A1CF: variants seen among roughly 807,000 people sequenced by gnomAD.
The protein encoded by A1CF is APOBEC1 complementation factor.
In A1CF, 48 loss-of-function variants were observed where a neutral mutation model predicts 68.9. The observed-to-expected ratio is 0.70, with a 90% CI of 0.55 to 0.89. The LOEUF is 0.89. Ranked by LOEUF, A1CF falls within the 40% of genes least tolerant of loss-of-function variation. The pLI, the probability that A1CF is intolerant of heterozygous loss-of-function variation, is 0.00. For synonymous variants in A1CF, 272 were observed against 260.4 expected (o/e 1.04, Z -0.43); for missense variants, 653 against 718.9 (o/e 0.91, Z 1.05).
chr10:50,816,214 C>A lies in A1CF; in HGVS notation c.933G>T (p.Arg311Ser). ...CCCTTCCACCTGTGCCTCGGGTATACCTAACATAACTGTCCTTGTCCACTG... is the reference window on the plus strand; with the variant it reads ...CCCTTCCACCTGTGCCTCGGGTATAACTAACATAACTGTCCTTGTCCACTG... ...AKPVDKDSYV[R>S]YTRGTGGRGT... is the part of the protein sequence containing the mutation. Residue 311 changes from arginine to serine, a missense_variant, in exon 9 of 13, where the codon AGG becomes AGT. Physicochemically the swap from Arg to Ser is moderately radical, Grantham distance 110 (BLOSUM62 -1). Transcript: ENST00000373997. 6.2e-7 allele frequency: 1 copy of A among 1,613,740 alleles called. No homozygotes were observed. The highest frequency in any genetic ancestry group is 2.2e-5 in the East Asian group (1 of 44,838).
intron 5 of A1CF, among the ~76,000 whole-genome samples, chr10:50,838,737 A>G (rs1210871126): frequency 6.6e-6 from 1 of 152,206 alleles, no homozygotes; most frequent in African/African-American, 2.4e-5. Flanking sequence ...CTCTGCAACA[A>G]AAGTTCTTTC....
At chr10:50,814,632 C>A (rs1308657031) in intron 9 of A1CF, among the ~76,000 whole-genome samples, 1 of 152,102 alleles carries the variant, frequency 6.6e-6, no homozygotes, top group Non-Finnish European at 1.5e-5. Context: ...GCATAGATTC[C>A]TTTTGATTTT....
intron 3 of A1CF, among the ~76,000 whole-genome samples, chr10:50,848,329 T>C (rs1185773948): frequency 6.6e-6 from 1 of 152,196 alleles, no homozygotes; most frequent in African/African-American, 2.4e-5. Flanking sequence ...TTTAATTTAT[T>C]GTAGAAAAGA....
chr10:50,826,324 T>A (rs1838933675), intron 7 of A1CF, among the ~76,000 whole-genome samples: 1 of 152,112 alleles, frequency 6.6e-6, no homozygotes, highest in South Asian at 2.1e-4. Flanking sequence ...AGGAACATAG[T>A]TTGAGAGGTC....
intron 3 of A1CF, among the ~76,000 whole-genome samples, chr10:50,853,187 T>C (rs531376382): frequency 6.6e-6 from 1 of 152,230 alleles, no homozygotes; most frequent in East Asian, 1.9e-4. Flanking sequence ...AAGGGAAAGA[T>C]GAAATCCACC....
At chr10:50,870,221 CTGTT>C (rs1405989524) in intron 1 of A1CF, among the ~76,000 whole-genome samples, 9 of 151,806 alleles carry the variant, frequency 5.9e-5, no homozygotes, top group Non-Finnish European at 1.5e-5. Flanking sequence ...AAACGATAGT[CTGTT>C]TATTATTAAT....
At chr10:50,869,400 T>G (rs1019121028) in intron 1 of A1CF, among the ~76,000 whole-genome samples, 2 of 152,174 alleles carry the variant, frequency 1.3e-5, no homozygotes, top group African/African-American at 4.8e-5. Flanking sequence ...TCATTGGTTA[T>G]TCTCCTCCTG....
chr10:50,817,016 A>G (rs770597526), intron 8 of A1CF, among the ~76,000 whole-genome samples: 16 of 152,340 alleles, frequency 1.1e-4, no homozygotes, highest in Admixed American at 5.2e-4. Flanking sequence ...TTCTCAGATC[A>G]TGCACTGCTT....
At chr10:50,828,515 T>G in intron 6 of A1CF, 1 of 362,618 alleles carries the variant, frequency 2.8e-6, no homozygotes, top group Non-Finnish European at 5.0e-6. Context: ...AACTATCGAT[T>G]ATAAAGGGAA....
chr10:50,844,170 T>C, intron 3 of A1CF, 48 bp from the exon 4 acceptor site: 1 of 1,583,764 alleles, frequency 6.3e-7, no homozygotes. Context: ...TGATCAAGAC[T>C]TTAATTCAAT....
At chr10:50,859,770 C>T (rs1266427663) in intron 3 of A1CF, 72 bp downstream of exon 3, 3 of 1,371,990 alleles carry the variant, frequency 2.2e-6, no homozygotes, top group Non-Finnish European at 3.1e-6. Context: ...CATTTTGCAT[C>T]TTAGGACCTC....
At chr10:50,874,773 G>T (rs980304183) in intron 1 of A1CF, among the ~76,000 whole-genome samples, 1 of 151,942 alleles carries the variant, frequency 6.6e-6, no homozygotes, top group East Asian at 1.9e-4. Flanking sequence ...ACTCCCAATC[G>T]GCATTAAAAG....
intron 6 of A1CF, 128 bp downstream of exon 6, chr10:50,835,943 TGAA>T: frequency 2.4e-6 from 2 of 836,764 alleles, no homozygotes; most frequent in Non-Finnish European, 3.7e-6. Flanking sequence ...TGTGAGACAG[TGAA>T]GAAGGATAAA....
At chr10:50,875,197 C>T (rs190934790) in intron 1 of A1CF, among the ~76,000 whole-genome samples, 121 of 152,248 alleles carry the variant, frequency 7.9e-4, no homozygotes, top group African/African-American at 2.7e-3. Context: ...AAAATTTTCT[C>T]TAATAATTGT....
chr10:50,826,537 C>T (rs1391336010), intron 7 of A1CF, among the ~76,000 whole-genome samples: 1 of 152,082 alleles, frequency 6.6e-6, no homozygotes, highest in Non-Finnish European at 1.5e-5. Flanking sequence ...AACTAAGCTT[C>T]ATAAGCAAAG....
intron 6 of A1CF, among the ~76,000 whole-genome samples, chr10:50,832,261 G>A (rs940901179): frequency 5.9e-5 from 9 of 152,174 alleles, no homozygotes; most frequent in African/African-American, 2.2e-4. Context: ...CAGTGGGAGT[G>A]TTAATACCAT....
chr10:50,837,819 C>T (rs1002802190), intron 5 of A1CF, among the ~76,000 whole-genome samples: 20 of 151,844 alleles, frequency 1.3e-4, no homozygotes, highest in Admixed American at 7.9e-4. Context: ...AAAAGAGTAA[C>T]GTAGAAGAAT....
In A1CF at chr10:50,802,387, G is replaced by A. The variant is rs1469767478; in HGVS notation, c.*4342C>T. On this transcript the variant is annotated 3_prime_UTR_variant, in exon 13 of 13. Transcript: ENST00000373997. Reference sequence around the variant, plus strand: ...CTAGTTTCTTCCTGTCTTCCAATAAGTATATACAAAATCTTAAGTTATCCT... The same window carrying A: ...CTAGTTTCTTCCTGTCTTCCAATAAATATATACAAAATCTTAAGTTATCCT... 6.6e-6 allele frequency: 1 copy of A among 152,052 alleles called. No homozygotes were observed. The highest frequency in any genetic ancestry group is 1.5e-5 in the Non-Finnish European group (1 of 67,986). 9.4% of individuals were successfully genotyped at this position (152,052 alleles called of 1,614,324 possible).
Position 50,804,510 on chromosome 10 carries a change from T to C in A1CF, c.*2219A>G, listed in dbSNP as rs1201904538. The C allele has an allele frequency of 6.6e-6, 1 of 152,204 alleles. No homozygotes were observed. Among genetic ancestry groups the C allele is most frequent in the East Asian group, 1.9e-4 (1 of 5,200 alleles). The allele number at this position is 152,204 out of a possible 1,614,324, so 9.4% of individuals were successfully genotyped here. On this transcript the variant is annotated 3_prime_UTR_variant, in exon 13 of 13. Coordinates refer to ENST00000373997, the MANE Select transcript of A1CF (RefSeq NM_014576.4). ...ATGCTTTTTAGACTCAGTAGAAATT[T>C]GCCTGCCCCAATGGACATTTGTTAT...
Sources: gnomAD v4.1 joint callset for allele counts (sites outside exome capture counted in the v4.1 genomes callset) on GRCh38, gnomAD v4.1.1 for gene constraint, MANE v1.5 for transcripts, NCBI Gene and HGNC (gene_info 2026-07-23, HGNC 2026-07-21) for gene names.